TACC1: variants seen among roughly 807,000 people sequenced by gnomAD.
The protein encoded by TACC1 is transforming acidic coiled-coil containing protein 1, also known as transforming acidic coiled-coil-containing protein 1.
Under a neutral mutation model 84.4 loss-of-function variants are expected in TACC1, and 48 were observed. The ratio of observed to expected loss-of-function variants is 0.57; its 90% confidence interval spans 0.45 to 0.72. TACC1 has a LOEUF of 0.72. Ranked by LOEUF, TACC1 falls within the 30% of genes least tolerant of loss-of-function variation. The probability of loss-of-function intolerance (pLI) is 0.00; values close to 1 mark genes in which losing one functional copy is unlikely to be tolerated. For missense variants in TACC1, 920 were observed against 973.0 expected (o/e 0.95, Z 0.72); for synonymous variants, 372 against 376.3 (o/e 0.99, Z 0.13).
At chr8:38,738,776 G>A (rs530113278) in intron 1 of TACC1, among the ~76,000 whole-genome samples, 4 of 151,836 alleles carry the variant, frequency 2.6e-5, no homozygotes, top group South Asian at 2.1e-4. Flanking sequence ...GGTTCCTTTC[G>A]TTGGTGCATG....
intron 3 of TACC1, among the ~76,000 whole-genome samples, chr8:38,770,299 A>C (rs1021121076): frequency 6.6e-6 from 1 of 152,058 alleles, no homozygotes; most frequent in Non-Finnish European, 1.5e-5. Context: ...ATTGTTTAGC[A>C]GTATGCAGAC....
intron 3 of TACC1, among the ~76,000 whole-genome samples, chr8:38,756,103 C>T (rs1052939515): frequency 2.6e-5 from 4 of 151,796 alleles, no homozygotes; most frequent in East Asian, 1.9e-4. Context: ...TGTGAGCCAC[C>T]GCGCCCGGCC....
rs538545237 is a variant in TACC1 at position 38,846,283 on chromosome 8, CAAAAAAAAAAA to C, written c.2229-399_2229-389del. The C allele has an allele frequency of 9.6e-3, 575 of 59,658 alleles. 13 individuals carry two copies. The South Asian group carries it at 0.14, about 14-fold the overall frequency. 3.7% of individuals were successfully genotyped at this position (59,658 alleles called of 1,614,324 possible). A position where few individuals can be genotyped will look rare whatever the true frequency, so the allele number is the denominator to read the frequency against. ...TGGGTGACAGAGCGAGACTCCATCTCAAAAAAAAAAAAAAAAAAAAAAAAAAAGAATGCCTT... is the reference window on the plus strand; with the variant it reads ...TGGGTGACAGAGCGAGACTCCATCTCAAAAAAAAAAAAAAAAGAATGCCTT... On this transcript the variant is annotated intron_variant, in intron 11 of 12. Transcript: ENST00000317827.
chr8:38,761,040 CA>C (rs1315823188), intron 3 of TACC1, among the ~76,000 whole-genome samples: 3 of 152,188 alleles, frequency 2.0e-5, no homozygotes, highest in African/African-American at 7.2e-5. Flanking sequence ...CTGAGAAAAG[CA>C]AGGCAATAAC....
intron 3 of TACC1, among the ~76,000 whole-genome samples, chr8:38,746,518 A>G (rs938174474): frequency 6.6e-6 from 1 of 152,122 alleles, no homozygotes; most frequent in African/African-American, 2.4e-5. Flanking sequence ...AATTACATGT[A>G]TGTTTGTTTG....
intron 5 of TACC1, chr8:38,827,681 C>A: frequency 3.0e-6 from 1 of 337,874 alleles, no homozygotes; most frequent in Non-Finnish European, 5.5e-6. Flanking sequence ...TGTGTTAGTT[C>A]ATTTGCGTTG....
At chr8:38,752,181 A>G (rs1366975930) in intron 3 of TACC1, among the ~76,000 whole-genome samples, 2 of 152,096 alleles carry the variant, frequency 1.3e-5, no homozygotes, top group Non-Finnish European at 2.9e-5. Context: ...TTTAAAGAAT[A>G]CCTTCTTGGC....
chr8:38,838,903 T>TA (rs1491506282), intron 8 of TACC1, among the ~76,000 whole-genome samples: 1 of 138,958 alleles, frequency 7.2e-6, no homozygotes, highest in African/African-American at 3.0e-5. Context: ...ATAATACTAC[T>TA]TTTTTTTTTT....
intron 9 of TACC1, among the ~76,000 whole-genome samples, 171 bp from the exon 10 acceptor site, chr8:38,842,116 C>G (rs558174868): frequency 6.6e-6 from 1 of 152,054 alleles, no homozygotes; most frequent in African/African-American, 2.4e-5. Flanking sequence ...CTGCCTTGTT[C>G]TTTCCCCATC....
At position 38,787,596 on chromosome 8, in the gene TACC1, C is replaced by G; in HGVS notation, c.14C>G (p.Pro5Arg). ...GGAGCCGCGCTCATGGCGTTCAGCCCGTGGCAGATCCTGTCCCCCGTGCAG... is the reference window on the plus strand; with the variant it reads ...GGAGCCGCGCTCATGGCGTTCAGCCGGTGGCAGATCCTGTCCCCCGTGCAG... Reference protein sequence around the residue: MAFSPWQILSPVQWA... With the variant: MAFSRWQILSPVQWA... Residue 5 changes from proline (P) to arginine (R), a missense_variant, in exon 1 of 13, where the codon CCG (proline) becomes CGG (arginine). Around this residue, in one of 2 missense-constraint regions of TACC1, gnomAD observed 762 missense variants for 747.3 expected, o/e 1.02. Coordinates refer to ENST00000317827, the MANE Select transcript of TACC1 (RefSeq NM_006283.3). 1 of 1,543,406 alleles carries G rather than the reference C, an allele frequency of 6.5e-7. No homozygotes were observed. Among genetic ancestry groups the G allele is most frequent in the Non-Finnish European group, 8.7e-7 (1 of 1,143,358 alleles).
chr8:38,745,835 C>T (rs1338081504), intron 3 of TACC1, among the ~76,000 whole-genome samples: 2 of 151,896 alleles, frequency 1.3e-5, no homozygotes, highest in African/African-American at 4.8e-5. Flanking sequence ...TGAGCCACCG[C>T]ACCCAGCCTT....
chr8:38,738,342 G>A (rs996200932), intron 1 of TACC1, among the ~76,000 whole-genome samples: 13 of 151,852 alleles, frequency 8.6e-5, no homozygotes, highest in Admixed American at 5.9e-4. Flanking sequence ...CTGGGAGTTC[G>A]AGGCTACAGT....
At chr8:38,789,057 C>T (rs965897425) in intron 2 of TACC1, among the ~76,000 whole-genome samples, 1 of 152,104 alleles carries the variant, frequency 6.6e-6, no homozygotes, top group South Asian at 2.1e-4. Flanking sequence ...TCCTACTAGG[C>T]CTTTCTCCTC....
At chr8:38,752,311 A>G (rs1371876943) in intron 3 of TACC1, among the ~76,000 whole-genome samples, 1 of 152,114 alleles carries the variant, frequency 6.6e-6, no homozygotes, top group Non-Finnish European at 1.5e-5. Context: ...CTCTACTAAA[A>G]TACAAAAAAA....
intron 3 of TACC1, 56 bp downstream of exon 3, chr8:38,820,691 CA>C: frequency 3.9e-6 from 6 of 1,549,734 alleles, no homozygotes; most frequent in Non-Finnish European, 5.2e-6. Context: ...TTGAGTTTGG[CA>C]GCCAGCTACT....
chr8:38,788,459 G>GT (rs1259650353), intron 1 of TACC1: 2 of 412,746 alleles, frequency 4.8e-6, no homozygotes, highest in Non-Finnish European at 8.8e-6. Flanking sequence ...AAAATAAATG[G>GT]TGCTGGAGAA....
In TACC1 at chr8:38,828,851, A is replaced by G. The variant is rs567046554; in HGVS notation, c.1660+1476A>G. ...ATTTGACTCTAAGCAGTCTGGTTCCATGGTCTTTTCGCCACAATGCCAAAG... is the reference window on the plus strand; with the variant it reads ...ATTTGACTCTAAGCAGTCTGGTTCCGTGGTCTTTTCGCCACAATGCCAAAG... On this transcript the variant is annotated intron_variant, in intron 5 of 12. Transcript: ENST00000317827. Among the ~76,000 whole-genome samples, 63 of 152,328 alleles carry G rather than the reference A, an allele frequency of 4.1e-4. No individual in the cohort carries two copies. In the South Asian group the frequency reaches 0.013, roughly 31 times the overall value.
intron 2 of TACC1, among the ~76,000 whole-genome samples, chr8:38,800,361 A>T (rs1436976172): frequency 6.6e-6 from 1 of 152,196 alleles, no homozygotes; most frequent in Non-Finnish European, 1.5e-5. Flanking sequence ...AATTTTTAGA[A>T]CATTTTATCA....
chr8:38,788,299 C>T, intron 1 of TACC1: 2 of 176,894 alleles, frequency 1.1e-5, no homozygotes, highest in South Asian at 2.5e-4. Context: ...CAGGTAGAGG[C>T]CTACCGAGCA....
Sources: allele counts gnomAD v4.1 joint callset (sites outside exome capture counted in the v4.1 genomes callset), GRCh38; gene constraint gnomAD v4.1.1; regional missense constraint gnomAD v4.1.1; transcripts MANE v1.5; gene names NCBI Gene and HGNC (gene_info 2026-07-23, HGNC 2026-07-21).